Variants in RANBP2 observed in about 807,000 individuals in gnomAD.
RANBP2 encodes the protein RAN binding protein 2.
Under a neutral mutation model 303.6 loss-of-function variants are expected in RANBP2, and 57 were observed. The ratio of observed to expected loss-of-function variants is 0.19; its 90% confidence interval spans 0.15 to 0.23. The LOEUF (loss-of-function observed/expected upper bound fraction) is 0.23, where lower values mean the gene tolerates loss of function less well. Ranked by LOEUF, RANBP2 falls within the 10% of genes least tolerant of loss-of-function variation. The pLI is 1.00. For missense variants in RANBP2, 3,138 were observed against 3,780.8 expected (o/e 0.83, Z 4.46); for synonymous variants, 1,167 against 1,301.5 (o/e 0.90, Z 2.23).
the RANBP2 span, among the ~76,000 whole-genome samples, chr2:109,699,747 T>C: frequency 1.4e-3 from 213 of 152,256 alleles, no homozygotes; most frequent in Non-Finnish European, 2.3e-3. Context: ...AAACCCATAT[T>C]GTTCAGGGGT....
At chr2:109,540,374 T>C in the RANBP2 span, among the ~76,000 whole-genome samples, 47 of 152,280 alleles carry the variant, frequency 3.1e-4, 1 homozygote, top group African/African-American at 1.1e-3. Flanking sequence ...TCTCACTAAG[T>C]GTGGATCTGT....
rs1175185349 is a variant in RANBP2, at chr2:108,784,617, A to T, written c.*716A>T. On this transcript the variant is annotated 3_prime_UTR_variant, in exon 29 of 29. Coordinates refer to ENST00000283195, the MANE Select transcript of RANBP2 (RefSeq NM_006267.5). ...CTGTCTCTACTACCTCAGAAACTGC[A>T]GCTTGGTTCTGATGATAGAAATTGA... 1.3e-5 allele frequency: 2 copies of T among 152,640 alleles called. No individual in the cohort carries two copies. The highest frequency in any genetic ancestry group is 2.9e-5 in the Non-Finnish European group (2 of 68,044). 9.5% of individuals were successfully genotyped at this position (152,640 alleles called of 1,614,324 possible). A position where few individuals can be genotyped will look rare whatever the true frequency, so the allele number is the denominator to read the frequency against.
chr2:108,824,484 A>C, the RANBP2 span, among the ~76,000 whole-genome samples: 1 of 152,196 alleles, frequency 6.6e-6, no homozygotes, highest in Admixed American at 6.5e-5. Flanking sequence ...ATTTTGTTCC[A>C]CTGGAAGGTC....
At chr2:109,398,530 G>T in the RANBP2 span, 3 of 1,414,788 alleles carry the variant, frequency 2.1e-6, no homozygotes, top group Non-Finnish European at 2.9e-6. Flanking sequence ...GAGTGCAGAG[G>T]GCTGGTGTGG....
At chr2:108,783,282 G>A (rs2149334706) in intron 28 of RANBP2, among the ~76,000 whole-genome samples, 1 of 137,494 alleles carries the variant, frequency 7.3e-6, no homozygotes, top group South Asian at 2.5e-4. Flanking sequence ...AGTGAGCTAG[G>A]TTTGCACCAC....
At chr2:108,869,278 C>T in the RANBP2 span, among the ~76,000 whole-genome samples, 1 of 152,156 alleles carries the variant, frequency 6.6e-6, no homozygotes, top group Non-Finnish European at 1.5e-5. Context: ...ATAGGACATT[C>T]TGTGATAATT....
chr2:109,409,522 G>A, the RANBP2 span, among the ~76,000 whole-genome samples: 1 of 152,082 alleles, frequency 6.6e-6, no homozygotes, highest in Non-Finnish European at 1.5e-5. Context: ...GAACTCCTAC[G>A]GGGGCAGGTG....
chr2:108,854,040 ATATAATAAATTTATATTATATATATT>A, the RANBP2 span, among the ~76,000 whole-genome samples: 5 of 21,594 alleles, frequency 2.3e-4, no homozygotes, highest in South Asian at 1.1e-3. Flanking sequence ...TATATATAAT[ATATAATAAATTTATATTATATATATT>A]TTATATATAA....
At chr2:109,099,542 C>T in the RANBP2 span, among the ~76,000 whole-genome samples, 1 of 152,138 alleles carries the variant, frequency 6.6e-6, no homozygotes, top group African/African-American at 2.4e-5. Flanking sequence ...CCTTCCTGTC[C>T]TGGCCCAGAA....
the RANBP2 span, among the ~76,000 whole-genome samples, chr2:109,330,580 G>C: frequency 6.6e-6 from 1 of 152,174 alleles, no homozygotes; most frequent in Non-Finnish European, 1.5e-5. Context: ...CTGTTTGCAT[G>C]GGTGGATGGA....
chr2:109,287,148 T>TA, the RANBP2 span, among the ~76,000 whole-genome samples: 2 of 152,184 alleles, frequency 1.3e-5, no homozygotes, highest in African/African-American at 2.4e-5. Context: ...TGTCCAGAGA[T>TA]AAAAAAGACC....
the RANBP2 span, among the ~76,000 whole-genome samples, chr2:109,238,116 C>A: frequency 6.6e-6 from 1 of 152,158 alleles, no homozygotes; most frequent in Non-Finnish European, 1.5e-5. Flanking sequence ...AGGAGCATTT[C>A]TTGAGCCTTG....
chr2:109,125,776 G>T, the RANBP2 span, among the ~76,000 whole-genome samples: 1 of 152,196 alleles, frequency 6.6e-6, no homozygotes, highest in Non-Finnish European at 1.5e-5. Flanking sequence ...TTGAACATGT[G>T]CAAATTTAAC....
chr2:108,991,368 GAA>G, the RANBP2 span, among the ~76,000 whole-genome samples: 1 of 152,214 alleles, frequency 6.6e-6, no homozygotes, highest in African/African-American at 2.4e-5. Flanking sequence ...GACTGAGGCA[GAA>G]ATAGCAACAG....
At chr2:109,132,319 A>G in the RANBP2 span, among the ~76,000 whole-genome samples, 1 of 152,108 alleles carries the variant, frequency 6.6e-6, no homozygotes, top group African/African-American at 2.4e-5. Flanking sequence ...GTTACGGTTC[A>G]ATATTTTGAC....
chr2:109,643,175 G>A, the RANBP2 span, among the ~76,000 whole-genome samples: 3 of 144,162 alleles, frequency 2.1e-5, no homozygotes, highest in Non-Finnish European at 4.6e-5. Flanking sequence ...GGGCGATAGA[G>A]CAAAACTCTT....
chr2:109,553,140 A>C, the RANBP2 span: 1 of 1,613,948 alleles, frequency 6.2e-7, no homozygotes, highest in Non-Finnish European at 8.5e-7. Flanking sequence ...CGCTGCACAA[A>C]CATCTGTTTC....
the RANBP2 span, among the ~76,000 whole-genome samples, chr2:108,849,614 C>T: frequency 1.3e-5 from 2 of 152,138 alleles, no homozygotes; most frequent in Admixed American, 1.3e-4. Context: ...AAGGTTCCTG[C>T]CTAACAGATA....
the RANBP2 span, among the ~76,000 whole-genome samples, chr2:109,082,982 T>C: frequency 2.0e-5 from 3 of 151,964 alleles, no homozygotes; most frequent in African/African-American, 2.4e-5. Flanking sequence ...TCTGCCACCA[T>C]ACCTGGCTAA....
Sources: gnomAD v4.1 joint callset for allele counts (sites outside exome capture counted in the v4.1 genomes callset) on GRCh38, gnomAD v4.1.1 for gene constraint, MANE v1.5 for transcripts, NCBI Gene and HGNC (gene_info 2026-07-23, HGNC 2026-07-21) for gene names.